The following SCFD2 variants were observed in gnomAD, a reference collection of about 807,000 sequenced individuals.
SCFD2 encodes sec1 family domain-containing protein 2.
In SCFD2, 54 loss-of-function variants were observed where a neutral mutation model predicts 58.9. That is an observed-to-expected ratio of 0.92 (90% confidence interval 0.74 to 1.15). SCFD2 has a LOEUF of 1.15. Ranked by LOEUF, SCFD2 falls within the 50% of genes most tolerant of loss-of-function variation. The pLI, the probability that SCFD2 is intolerant of heterozygous loss-of-function variation, is 0.00. For missense variants in SCFD2, 805 were observed against 836.6 expected (o/e 0.96, Z 0.47); for synonymous variants, 321 against 335.9 (o/e 0.96, Z 0.49).
intron 4 of SCFD2, among the ~76,000 whole-genome samples, chr4:53,255,928 G>A (rs1468900797): frequency 1.4e-3 from 210 of 149,846 alleles, no homozygotes; most frequent in Non-Finnish European, 2.3e-3. Flanking sequence ...GGGCAGAGGC[G>A]CCCCTCACCT....
chr4:53,230,669 C>T (rs1224840790), intron 4 of SCFD2, among the ~76,000 whole-genome samples: 1 of 151,552 alleles, frequency 6.6e-6, no homozygotes, highest in Admixed American at 6.6e-5. Context: ...ATACCTAATG[C>T]TAAATGACGA....
chr4:53,218,384 C>A (rs576646349), intron 4 of SCFD2, among the ~76,000 whole-genome samples: 1 of 152,314 alleles, frequency 6.6e-6, no homozygotes, highest in East Asian at 1.9e-4. Flanking sequence ...CGCTTCATTT[C>A]ATTCATTTGA....
In SCFD2 at chr4:52,904,204, A is replaced by G. The variant is rs180973971; in HGVS notation, c.1842+3253T>C. ...ATCTATGAGTTCAGGAACAGGACAG[A>G]GATGGATGAGCGGCTCAGCTAGAGC... On this transcript the variant is annotated intron_variant, in intron 7 of 8. Transcript: ENST00000401642. Among the ~76,000 whole-genome samples, 287 of 152,358 alleles carry G rather than the reference A, an allele frequency of 1.9e-3. 2 individuals are homozygous for G. Among genetic ancestry groups the G allele is most frequent in the African/African-American group, 6.7e-3 (279 of 41,576 alleles).
chr4:53,365,312 T>G lies in SCFD2; in HGVS notation c.630A>C (p.Pro210=), dbSNP rs1278227350. Residue 210 remains proline, a synonymous_variant, in exon 1 of 9, where the codon CCA becomes CCC. Transcript: ENST00000401642. The surrounding 1 kb of genome is among the most constrained non-coding windows in gnomAD (Gnocchi z 4.3). ...GGCATCTGATCTGCAGCAGCAGCTCTGGGGTTAGCGTAGTGGAGTCCACAT... is the reference window on the plus strand; with the variant it reads ...GGCATCTGATCTGCAGCAGCAGCTCGGGGGTTAGCGTAGTGGAGTCCACAT... ...LGDVDSTTLT[P]ELLLQIRCLV... is the part of the protein sequence containing the mutation. 6.2e-7 allele frequency: 1 copy of G among 1,614,224 alleles called. No homozygotes were observed. Among genetic ancestry groups the G allele is most frequent in the Admixed American group, 1.7e-5 (1 of 60,022 alleles).
chr4:52,899,571 C>T (rs1315603137), intron 7 of SCFD2, among the ~76,000 whole-genome samples: 1 of 152,194 alleles, frequency 6.6e-6, no homozygotes, highest in East Asian at 1.9e-4. Flanking sequence ...TTCTCTCTGG[C>T]TGCCCTGAAC....
rs368402840 is a variant in SCFD2 at position 53,014,317 on chromosome 4, C to T, written c.1562-93447G>A. On this transcript the variant is annotated intron_variant, in intron 5 of 8. Transcript: ENST00000401642. ...GTTTTTGTGAAAACAGTGTTAGTTA[C>T]GCACTGAAGGGGAGGTTAGAAAGGG... Among the ~76,000 whole-genome samples, 9 of 152,242 alleles carry T rather than the reference C, an allele frequency of 5.9e-5. No individual in the cohort carries two copies. The East Asian group carries it at 9.6e-4, about 16-fold the overall frequency.
At chr4:53,139,095 T>C (rs1250903114) in intron 5 of SCFD2, among the ~76,000 whole-genome samples, 1 of 152,170 alleles carries the variant, frequency 6.6e-6, no homozygotes, top group African/African-American at 2.4e-5. Context: ...GGTCTCCAGC[T>C]CCTGACCGCA....
chr4:53,118,048 A>AGTATTGTATGCCAGGTACT (rs1201553140), intron 5 of SCFD2, among the ~76,000 whole-genome samples: 9 of 152,232 alleles, frequency 5.9e-5, no homozygotes, highest in Non-Finnish European at 1.0e-4. Context: ...ATTGAGCATC[A>AGTATTGTATGCCAGGTACT]GTATTGTATG....
intron 5 of SCFD2, among the ~76,000 whole-genome samples, chr4:53,045,411 G>A (rs985267729): frequency 2.0e-5 from 3 of 151,910 alleles, no homozygotes; most frequent in Non-Finnish European, 4.4e-5. Context: ...AGTATTCTAC[G>A]GCCAATGTAT....
intron 5 of SCFD2, among the ~76,000 whole-genome samples, chr4:53,103,049 C>T (rs542458819): frequency 9.2e-5 from 14 of 152,142 alleles, no homozygotes; most frequent in African/African-American, 2.9e-4. Flanking sequence ...CCCTTTACAA[C>T]CATCACTGTA....
rs200186388 is a variant in SCFD2 at position 52,960,365 on chromosome 4, CTTCT to C, written c.1562-39499_1562-39496del. Among the ~76,000 whole-genome samples, 793 of 131,564 alleles carry C rather than the reference CTTCT, an allele frequency of 6.0e-3. 8 individuals are homozygous for C. In the South Asian group the frequency reaches 0.061, roughly 10 times the overall value. The allele number at this position is 131,564 out of a possible 152,430, so 86.3% of individuals were successfully genotyped here. A position where few individuals can be genotyped will look rare whatever the true frequency, so the allele number is the denominator to read the frequency against. ...TTTCCGCAGAGAGGCACATCTTCTT[CTTCT>C]TTTTTTTTTTTTTTTTGAGACAGAG... On this transcript the variant is annotated intron_variant, in intron 5 of 8. Transcript: ENST00000401642.
chr4:53,195,563 C>A (rs1368190296), intron 4 of SCFD2, among the ~76,000 whole-genome samples: 1 of 152,152 alleles, frequency 6.6e-6, no homozygotes, highest in African/African-American at 2.4e-5. Context: ...CATGCCACTT[C>A]TCATAGTCAG....
At chr4:53,146,013 A>G (rs1236146524) in intron 4 of SCFD2, among the ~76,000 whole-genome samples, 3 of 152,236 alleles carry the variant, frequency 2.0e-5, no homozygotes, top group Admixed American at 6.5e-5. Flanking sequence ...CGGATTTTCC[A>G]GCATATTCTT....
intron 2 of SCFD2, among the ~76,000 whole-genome samples, chr4:53,342,986 A>G (rs183798114): frequency 1.3e-5 from 2 of 152,336 alleles, no homozygotes; most frequent in African/African-American, 2.4e-5. Context: ...TATAGCACTA[A>G]ATGCCCACAA....
At chr4:53,316,858 C>A (rs1194570253) in intron 2 of SCFD2, among the ~76,000 whole-genome samples, 1 of 152,060 alleles carries the variant, frequency 6.6e-6, no homozygotes, top group Non-Finnish European at 1.5e-5. Flanking sequence ...ACCTGTAATT[C>A]CAGCATTTTG....
chr4:53,217,093 G>A (rs1418297034), intron 4 of SCFD2, among the ~76,000 whole-genome samples: 2 of 152,162 alleles, frequency 1.3e-5, no homozygotes, highest in South Asian at 2.1e-4. Flanking sequence ...GAATAAGTGC[G>A]ATGTGGTGCT....
chr4:53,219,328 C>T (rs1448947273), intron 4 of SCFD2, among the ~76,000 whole-genome samples: 1 of 152,220 alleles, frequency 6.6e-6, no homozygotes, highest in African/African-American at 2.4e-5. Context: ...ACTCAAGCGT[C>T]AGCAATGGCG....
intron 1 of SCFD2, among the ~76,000 whole-genome samples, chr4:53,360,406 G>T (rs1734517501): frequency 6.6e-6 from 1 of 152,150 alleles, no homozygotes; most frequent in Admixed American, 6.5e-5. Context: ...AAGTGAGCAG[G>T]TGATAATTTT....
In SCFD2 at chr4:53,206,766, C is replaced by A. The variant is rs577375152; in HGVS notation, c.1312-61184G>T. 4.4e-4 allele frequency among the ~76,000 whole-genome samples: 67 copies of A among 152,202 alleles called. 2 individuals are homozygous for A. Among genetic ancestry groups the A allele is most frequent in the African/African-American group, 1.6e-3 (67 of 41,478 alleles). The stretch of plus-strand genomic sequence containing the variant: ...CACTTTGCATGGCCTCAATTCTGAA[C>A]AGTCATTTTTACCATCCTACACTAC... On this transcript the variant is annotated intron_variant, in intron 4 of 8. Transcript: ENST00000401642.
Sources: allele counts gnomAD v4.1 joint callset (sites outside exome capture counted in the v4.1 genomes callset), GRCh38; gene constraint gnomAD v4.1.1; non-coding constraint Gnocchi (gnomAD v3.1); transcripts MANE v1.5; gene names NCBI Gene and HGNC (gene_info 2026-07-23, HGNC 2026-07-21).